SUGCT: variants seen among roughly 807,000 people sequenced by gnomAD.
The protein encoded by SUGCT is succinyl-CoA:glutarate CoA-transferase.
Under a neutral mutation model 55.0 loss-of-function variants are expected in SUGCT, and 41 were observed. That is an observed-to-expected ratio of 0.74 (90% CI 0.58 to 0.97). The LOEUF is 0.97. SUGCT is among the 50% of genes least tolerant of loss of function. The pLI is 0.00. For missense variants in SUGCT, 568 were observed against 547.8 expected, an observed-to-expected ratio of 1.04 and a Z score of -0.37; for synonymous variants, 187 against 200.4, an observed-to-expected ratio of 0.93 and a Z score of 0.56.
intron 12 of SUGCT, among the ~76,000 whole-genome samples, chr7:40,747,658 T>G (rs1787799614): frequency 6.6e-6 from 1 of 152,130 alleles, no homozygotes; most frequent in South Asian, 2.1e-4. Flanking sequence ...GGAAGAGAGG[T>G]TCTGTGCTTG....
chr7:40,473,627 C>T (rs561944140), intron 11 of SUGCT, among the ~76,000 whole-genome samples: 38 of 151,848 alleles, frequency 2.5e-4, no homozygotes, highest in Non-Finnish European at 5.0e-4. Context: ...CACAAATGCA[C>T]TAGGAGGAGC....
chr7:40,448,936 G>T (rs1460700244), intron 9 of SUGCT, among the ~76,000 whole-genome samples: 9 of 147,494 alleles, frequency 6.1e-5, no homozygotes, highest in Non-Finnish European at 3.0e-5. Context: ...GTGTGTGTGT[G>T]TGTGTGTGTG....
intron 1 of SUGCT, among the ~76,000 whole-genome samples, chr7:40,140,511 C>T (rs535032932): frequency 6.6e-6 from 1 of 152,302 alleles, no homozygotes; most frequent in Admixed American, 6.5e-5. Context: ...AGCGATTGTC[C>T]TGCCTCAGAC....
intron 12 of SUGCT, among the ~76,000 whole-genome samples, chr7:40,533,688 T>G (rs981739835): frequency 5.9e-5 from 9 of 152,148 alleles, no homozygotes; most frequent in African/African-American, 9.6e-5. Context: ...AAAAATAGTA[T>G]TACCTACTTG....
At chr7:40,882,320 G>A in the SUGCT span, among the ~76,000 whole-genome samples, 1 of 152,220 alleles carries the variant, frequency 6.6e-6, no homozygotes, top group African/African-American at 2.4e-5. Flanking sequence ...GTTCTGTGGA[G>A]CATGGAGCTC....
chr7:40,693,140 T>C (rs1784770239), intron 12 of SUGCT, among the ~76,000 whole-genome samples: 1 of 152,190 alleles, frequency 6.6e-6, no homozygotes, highest in African/African-American at 2.4e-5. Flanking sequence ...AGACCAACTC[T>C]TCTCTTCACA....
chr7:40,898,119 A>C, the SUGCT span, among the ~76,000 whole-genome samples: 1 of 152,030 alleles, frequency 6.6e-6, no homozygotes, highest in Non-Finnish European at 1.5e-5. Context: ...CTGCAGCTTC[A>C]CTCGTGAAGC....
intron 12 of SUGCT, among the ~76,000 whole-genome samples, chr7:40,558,578 A>G (rs536196056): frequency 6.6e-6 from 1 of 152,328 alleles, no homozygotes; most frequent in African/African-American, 2.4e-5. Context: ...GAGATTAGAA[A>G]TAAACTAGAT....
chr7:40,682,455 C>G (rs1476362394), intron 12 of SUGCT, among the ~76,000 whole-genome samples: 1 of 152,186 alleles, frequency 6.6e-6, no homozygotes, highest in Non-Finnish European at 1.5e-5. Flanking sequence ...TGACTGGCAT[C>G]TGAAGTGGGA....
the SUGCT span, among the ~76,000 whole-genome samples, chr7:40,936,125 G>T: frequency 6.6e-6 from 1 of 151,800 alleles, no homozygotes; most frequent in Non-Finnish European, 1.5e-5. Context: ...TATATATTCT[G>T]GATTTTCTTC....
At chr7:40,485,417 C>CTTTTTT (rs397889166) in intron 11 of SUGCT, among the ~76,000 whole-genome samples, 29 of 74,448 alleles carry the variant, frequency 3.9e-4, no homozygotes, top group African/African-American at 4.7e-4. Context: ...TATATACATT[C>CTTTTTT]TTTTTTTTTT....
intron 12 of SUGCT, among the ~76,000 whole-genome samples, chr7:40,639,662 AC>A (rs1242393517): frequency 6.7e-5 from 10 of 149,416 alleles, no homozygotes; most frequent in African/African-American, 2.0e-4. Flanking sequence ...TTACAGGATT[AC>A]CATGCCGTCT....
At chr7:40,579,999 A>G (rs938169414) in intron 12 of SUGCT, among the ~76,000 whole-genome samples, 4 of 152,214 alleles carry the variant, frequency 2.6e-5, no homozygotes, top group Admixed American at 6.5e-5. Flanking sequence ...ATATGAAACA[A>G]TCTGCATTGC....
intron 12 of SUGCT, among the ~76,000 whole-genome samples, chr7:40,703,796 G>C (rs965639810): frequency 6.6e-6 from 1 of 152,182 alleles, no homozygotes; most frequent in African/African-American, 2.4e-5. Flanking sequence ...GGATTAGAAA[G>C]TACAGACCAC....
At chr7:41,022,877 A>G in the SUGCT span, among the ~76,000 whole-genome samples, 1 of 152,240 alleles carries the variant, frequency 6.6e-6, no homozygotes, top group Non-Finnish European at 1.5e-5. Flanking sequence ...TGTCATAAAT[A>G]TAAATATAAA....
intron 11 of SUGCT, among the ~76,000 whole-genome samples, chr7:40,470,508 A>G (rs914515449): frequency 1.3e-5 from 2 of 152,014 alleles, no homozygotes; most frequent in African/African-American, 4.8e-5. Context: ...CACCTGGACA[A>G]TCTGCAGTAG....
At chr7:40,305,911 T>G (rs1342089518) in intron 8 of SUGCT, among the ~76,000 whole-genome samples, 1 of 152,136 alleles carries the variant, frequency 6.6e-6, no homozygotes, top group Non-Finnish European at 1.5e-5. Flanking sequence ...GCAGTCCTCC[T>G]GTCTTGGCCT....
At chr7:40,138,143 C>G (rs1057135266) in intron 1 of SUGCT, among the ~76,000 whole-genome samples, 2 of 152,174 alleles carry the variant, frequency 1.3e-5, no homozygotes, top group African/African-American at 4.8e-5. Flanking sequence ...ATCCCCTTCC[C>G]TCTACATCCC....
intron 12 of SUGCT, among the ~76,000 whole-genome samples, chr7:40,587,920 CCAGA>C (rs1419470206): frequency 4.0e-5 from 4 of 99,916 alleles, no homozygotes; most frequent in Non-Finnish European, 6.1e-5. Context: ...TTTTTTTTTT[CCAGA>C]CAGAGTCTCA....
Sources: allele counts gnomAD v4.1 joint callset (sites outside exome capture counted in the v4.1 genomes callset), GRCh38; gene constraint gnomAD v4.1.1; transcripts MANE v1.5; gene names NCBI Gene and HGNC (gene_info 2026-07-23, HGNC 2026-07-21).